CDK14: variants seen among roughly 807,000 people sequenced by gnomAD.
CDK14 encodes cyclin-dependent kinase 14.
Under a neutral mutation model 60.7 loss-of-function variants are expected in CDK14, and 34 were observed. The ratio of observed to expected loss-of-function variants is 0.56; its 90% CI spans 0.43 to 0.75. The LOEUF is 0.75. Among genes scored for constraint, CDK14 ranks in the 30% least tolerant of loss-of-function variants. The pLI, the probability that CDK14 is intolerant of heterozygous loss-of-function variation, is 0.00. For missense variants in CDK14, 482 were observed against 564.1 expected, an observed-to-expected ratio of 0.85 and a Z score of 1.47; for synonymous variants, 197 against 203.7, an observed-to-expected ratio of 0.97 and a Z score of 0.28.
At chr7:90,653,262 C>A (rs111339432) in intron 2 of CDK14, among the ~76,000 whole-genome samples, 1 of 151,902 alleles carries the variant, frequency 6.6e-6, no homozygotes. Context: ...AACTCCACAA[C>A]CCCCCTCTGT....
chr7:91,101,595 A>G (rs1478886436), intron 12 of CDK14, among the ~76,000 whole-genome samples: 1 of 152,142 alleles, frequency 6.6e-6, no homozygotes. Flanking sequence ...TTTTTTTTAC[A>G]TTGAGTACAG....
At chr7:90,966,230 A>C (rs1043833984) in intron 9 of CDK14, among the ~76,000 whole-genome samples, 3 of 152,186 alleles carry the variant, frequency 2.0e-5, no homozygotes, top group Non-Finnish European at 4.4e-5. Flanking sequence ...TTTAAAAAAA[A>C]ATCAGCTTCC....
chr7:90,723,880 A>C (rs1252338175), intron 2 of CDK14, among the ~76,000 whole-genome samples: 1 of 152,114 alleles, frequency 6.6e-6, no homozygotes, highest in Non-Finnish European at 1.5e-5. Context: ...TTCATGAGAG[A>C]GATTGATCTG....
Position 90,974,066 on chromosome 7 carries a change from G to A in CDK14, c.948-10082G>A, listed in dbSNP as rs116801118. 9.9e-3 allele frequency among the ~76,000 whole-genome samples: 1,502 copies of A among 152,086 alleles called. 25 individuals carry two copies. The highest frequency in any genetic ancestry group is 0.033 in the African/African-American group (1,379 of 41,486). On this transcript the variant is annotated intron_variant, in intron 9 of 14. Transcript: ENST00000380050. ...GCAGCCGTCTATAGACCTCCCCCCAGGAATGCATTCCTTCGCTAGGGTATC... is the reference window on the plus strand; with the variant it reads ...GCAGCCGTCTATAGACCTCCCCCCAAGAATGCATTCCTTCGCTAGGGTATC...
chr7:90,667,530 GTTTAA>G (rs1321695204), intron 2 of CDK14, among the ~76,000 whole-genome samples: 2 of 150,034 alleles, frequency 1.3e-5, no homozygotes, highest in Non-Finnish European at 3.0e-5. Context: ...CTTTCATTTA[GTTTAA>G]TGTTTTCAAA....
intron 9 of CDK14, 124 bp downstream of exon 9, chr7:90,955,941 C>A: frequency 9.0e-7 from 1 of 1,105,136 alleles, no homozygotes. Context: ...CTGCATGTGG[C>A]CATGCTGCTG....
chr7:91,079,242 C>T (rs534706431), intron 11 of CDK14, among the ~76,000 whole-genome samples, 190 bp from the exon 12 acceptor site: 1 of 152,282 alleles, frequency 6.6e-6, no homozygotes, highest in African/African-American at 2.4e-5. Context: ...AACAATGCTT[C>T]ACCGTTTAAT....
At chr7:91,117,278 C>G (rs188146922) in intron 13 of CDK14, among the ~76,000 whole-genome samples, 1 of 151,534 alleles carries the variant, frequency 6.6e-6, no homozygotes, top group African/African-American at 2.4e-5. Flanking sequence ...GCTACCTTCA[C>G]AGTATATCCA....
At chr7:91,097,620 C>T (rs752285231) in intron 12 of CDK14, among the ~76,000 whole-genome samples, 10 of 151,168 alleles carry the variant, frequency 6.6e-5, no homozygotes, top group Admixed American at 1.3e-4. Context: ...ATAAATATAG[C>T]CTATAGATGG....
intron 8 of CDK14, among the ~76,000 whole-genome samples, chr7:90,939,197 G>A (rs1793840915): frequency 6.6e-6 from 1 of 152,184 alleles, no homozygotes; most frequent in Non-Finnish European, 1.5e-5. Context: ...TTCAAATAAA[G>A]CTTTATTGGA....
intron 2 of CDK14, among the ~76,000 whole-genome samples, chr7:90,685,314 ATTAT>A (rs1417110521): frequency 1.3e-5 from 2 of 152,002 alleles, no homozygotes; most frequent in Admixed American, 1.3e-4. Context: ...ATGATATTAT[ATTAT>A]TTGTCTTTTC....
At chr7:90,625,104 G>A (rs1481700468) in intron 2 of CDK14, among the ~76,000 whole-genome samples, 1 of 152,184 alleles carries the variant, frequency 6.6e-6, no homozygotes, top group Non-Finnish European at 1.5e-5. Flanking sequence ...CATAATCTCA[G>A]TGCTTCGGGA....
intron 14 of CDK14, among the ~76,000 whole-genome samples, chr7:91,185,314 T>C (rs1324937290): frequency 8.8e-6 from 1 of 113,668 alleles, no homozygotes; most frequent in African/African-American, 2.7e-5. Context: ...ATGCCCTGCT[T>C]GGTCGATAGC....
chr7:90,785,838 C>G (rs1805558718), intron 4 of CDK14, among the ~76,000 whole-genome samples: 1 of 148,474 alleles, frequency 6.7e-6, no homozygotes, highest in Admixed American at 6.7e-5. Context: ...TTTACTCCCA[C>G]AAGAAAATTT....
chr7:90,966,253 G>T (rs1030319268), intron 9 of CDK14, among the ~76,000 whole-genome samples: 3 of 151,770 alleles, frequency 2.0e-5, no homozygotes, highest in Non-Finnish European at 4.4e-5. Context: ...ATATAAAATT[G>T]TTCTTGCTTC....
At chr7:90,622,554 C>A (rs770634836) in intron 2 of CDK14, among the ~76,000 whole-genome samples, 1 of 152,196 alleles carries the variant, frequency 6.6e-6, no homozygotes, top group African/African-American at 2.4e-5. Context: ...TTTTCTTCTT[C>A]ATTCCCAAGA....
chr7:90,599,593 A>T (rs574840333), intron 1 of CDK14, among the ~76,000 whole-genome samples: 9 of 152,198 alleles, frequency 5.9e-5, no homozygotes. Context: ...ATAGGCTGTC[A>T]TTGTTCCTTG....
intron 5 of CDK14, among the ~76,000 whole-genome samples, chr7:90,796,095 A>G (rs1011242022): frequency 6.6e-6 from 1 of 152,120 alleles, no homozygotes; most frequent in Non-Finnish European, 1.5e-5. Context: ...CTGGCAACAT[A>G]ATTTCATTTT....
intron 5 of CDK14, among the ~76,000 whole-genome samples, chr7:90,802,735 T>A (rs1788689435): frequency 6.6e-6 from 1 of 152,114 alleles, no homozygotes; most frequent in African/African-American, 2.4e-5. Flanking sequence ...GGCCATAAAA[T>A]AGAAGCAATC....
Sources: gnomAD v4.1 joint callset for allele counts (sites outside exome capture counted in the v4.1 genomes callset) on GRCh38, gnomAD v4.1.1 for gene constraint, MANE v1.5 for transcripts, NCBI Gene and HGNC (gene_info 2026-07-23, HGNC 2026-07-21) for gene names.